ZMIZ1: variants seen among roughly 807,000 people sequenced by gnomAD.
ZMIZ1 encodes zinc finger MIZ domain-containing protein 1.
Under a neutral mutation model 113.9 loss-of-function variants are expected in ZMIZ1, and 17 were observed. That is an observed-to-expected ratio of 0.15 (90% CI 0.10 to 0.22). The LOEUF (loss-of-function observed/expected upper bound fraction) is 0.22, where lower values mean the gene tolerates loss of function less well. Ranked by LOEUF, ZMIZ1 falls within the 10% of genes least tolerant of loss-of-function variation. The pLI, the probability that ZMIZ1 is intolerant of heterozygous loss-of-function variation, is 1.00. For missense variants in ZMIZ1, 1,059 were observed against 1,477.8 expected (o/e 0.72, Z 4.65); for synonymous variants, 607 against 603.1 (o/e 1.01, Z -0.09).
intron 1 of ZMIZ1, among the ~76,000 whole-genome samples, chr10:79,071,222 T>C (rs1842273021): frequency 6.6e-6 from 1 of 152,162 alleles, no homozygotes; most frequent in South Asian, 2.1e-4. Flanking sequence ...CTGAAGGATT[T>C]TCTTGAGCAA....
rs775605333 is a variant in ZMIZ1, at chr10:79,216,210, C to T, written c.216C>T (p.Asp72=). 4.5e-6 allele frequency: 7 copies of T among 1,564,674 alleles called. No individual in the cohort carries two copies. The South Asian group carries it at 4.7e-5, about 11-fold the overall frequency. The change falls in exon 7 of 25, where the codon GAC becomes GAT. Residue 72 remains aspartate, a synonymous_variant. Coordinates refer to ENST00000334512, the MANE Select transcript of ZMIZ1 (RefSeq NM_020338.4). ...CAGCCCAGCAAGGCTTTGACCTGGACCTCGGCTACAGACTGCTGGCTGTGT... is the reference window on the plus strand; with the variant it reads ...CAGCCCAGCAAGGCTTTGACCTGGATCTCGGCTACAGACTGCTGGCTGTGT... ...RVAAQQGFDL[D]LGYRLLAVCA... is the part of the protein sequence containing the mutation.
intron 7 of ZMIZ1, among the ~76,000 whole-genome samples, chr10:79,271,193 G>A (rs568856124): frequency 4.6e-5 from 7 of 152,294 alleles, no homozygotes; most frequent in Non-Finnish European, 7.3e-5. Flanking sequence ...CTGGAGCTTC[G>A]TGCCTGCCCA....
rs1397024737 is a variant in ZMIZ1, at chr10:79,314,650, AC to A, written c.*1903del. The A allele has an allele frequency of 5.3e-6, 1 of 186,932 alleles. No homozygotes were observed. Among genetic ancestry groups the A allele is most frequent in the African/African-American group, 2.4e-5 (1 of 41,674 alleles). The allele number at this position is 186,932 out of a possible 1,614,324, so 11.6% of individuals were successfully genotyped here. On this transcript the variant is annotated 3_prime_UTR_variant, in exon 25 of 25. Transcript: ENST00000334512. ...TAGCCTTTGCTGGTGTTTTTAAAATACCTGGACTCAATGACAAAGACCGAGT... is the reference window on the plus strand; with the variant it reads ...TAGCCTTTGCTGGTGTTTTTAAAATACTGGACTCAATGACAAAGACCGAGT...
At chr10:79,253,103 G>T (rs1850651276) in intron 7 of ZMIZ1, among the ~76,000 whole-genome samples, 1 of 152,178 alleles carries the variant, frequency 6.6e-6, no homozygotes, top group Non-Finnish European at 1.5e-5. Context: ...GGGTGTGCGG[G>T]GCCGGACATG....
rs891091464 is a variant in ZMIZ1, at chr10:79,313,083, G to A, written c.*334G>A. 17 of 306,584 alleles carry A rather than the reference G, an allele frequency of 5.5e-5. No individual in the cohort carries two copies. The highest frequency in any genetic ancestry group is 1.0e-4 in the Non-Finnish European group (17 of 162,454). 19.0% of individuals were successfully genotyped at this position (306,584 alleles called of 1,614,324 possible). The stretch of plus-strand genomic sequence containing the variant: ...TGATGCGGCTTCCCGGTCCCTCCGC[G>A]TGTGCCGATTCCAGATGACCTTCCA... On this transcript the variant is annotated 3_prime_UTR_variant, in exon 25 of 25. Coordinates refer to ENST00000334512, the MANE Select transcript of ZMIZ1 (RefSeq NM_020338.4).
chr10:79,158,241 T>C (rs1029977954), intron 3 of ZMIZ1, among the ~76,000 whole-genome samples: 1 of 152,176 alleles, frequency 6.6e-6, no homozygotes, highest in Non-Finnish European at 1.5e-5. Context: ...CATGAAGAGC[T>C]GAGGCCTGGT....
At chr10:79,163,547 C>T (rs1426415992) in intron 4 of ZMIZ1, among the ~76,000 whole-genome samples, 1 of 152,258 alleles carries the variant, frequency 6.6e-6, no homozygotes, top group Non-Finnish European at 1.5e-5. Flanking sequence ...TTTACCCCCA[C>T]AAGAATCCCA....
intron 23 of ZMIZ1, among the ~76,000 whole-genome samples, chr10:79,307,987 AG>A (rs1854844982): frequency 6.6e-6 from 1 of 152,226 alleles, no homozygotes; most frequent in Admixed American, 6.5e-5. Context: ...ATCTGAATTC[AG>A]GGTATTACCA....
At chr10:79,165,484 C>T (rs898662615) in intron 4 of ZMIZ1, among the ~76,000 whole-genome samples, 5 of 152,076 alleles carry the variant, frequency 3.3e-5, no homozygotes, top group Middle Eastern at 3.4e-3. Flanking sequence ...TGCGTAGTAG[C>T]GTGTGCCTGT....
At chr10:79,126,324 C>G (rs1844510352) in intron 2 of ZMIZ1, among the ~76,000 whole-genome samples, 1 of 152,188 alleles carries the variant, frequency 6.6e-6, no homozygotes, top group African/African-American at 2.4e-5. Context: ...GCCCCCTCTG[C>G]CAAGGCTTAG....
intron 2 of ZMIZ1, among the ~76,000 whole-genome samples, chr10:79,129,763 G>C (rs1844670035): frequency 1.3e-5 from 2 of 152,220 alleles, no homozygotes; most frequent in South Asian, 2.1e-4. Flanking sequence ...AGGGAGGGCA[G>C]AGCGAGCCCC....
In ZMIZ1 at chr10:79,149,648, C is replaced by T. The variant is rs535065833; in HGVS notation, c.-131+9871C>T. ...CTCTAGGCGCTGTGCCTGTGGTTGA[C>T]ATCACGTTGTCCTCATGTGGGGCTG... On this transcript the variant is annotated intron_variant, in intron 3 of 24. Coordinates refer to ENST00000334512, the MANE Select transcript of ZMIZ1 (RefSeq NM_020338.4). Among the ~76,000 whole-genome samples the T allele has an allele frequency of 1.2e-3, 187 of 152,324 alleles. 1 individual carries two copies. Among genetic ancestry groups the T allele is most frequent in the African/African-American group, 3.9e-3 (164 of 41,586 alleles).
At chr10:79,298,720 C>T (rs1395988026) in intron 15 of ZMIZ1, 140 bp downstream of exon 15, 2 of 830,312 alleles carry the variant, frequency 2.4e-6, no homozygotes, top group East Asian at 3.0e-5. Flanking sequence ...TACCCAGGGG[C>T]ACACTCAAGG....
chr10:79,262,332 A>T (rs11002899), intron 7 of ZMIZ1, among the ~76,000 whole-genome samples: 15,304 of 152,248 alleles, frequency 0.1, 904 homozygotes, highest in African/African-American at 0.16. Context: ...CCCAACATGC[A>T]TGTGTTTTAA....
At chr10:79,160,952 A>T (rs1054101407) in intron 3 of ZMIZ1, among the ~76,000 whole-genome samples, 5 of 152,190 alleles carry the variant, frequency 3.3e-5, no homozygotes, top group African/African-American at 1.2e-4. Context: ...CATAGCTTGA[A>T]TTCAGGGTTC....
intron 4 of ZMIZ1, among the ~76,000 whole-genome samples, chr10:79,199,108 C>T (rs978794729): frequency 1.9e-4 from 29 of 152,014 alleles, no homozygotes; most frequent in Non-Finnish European, 4.3e-4. Flanking sequence ...GCAGAGGGGC[C>T]TTGTCTGAGG....
At position 79,313,087 on chromosome 10, in the gene ZMIZ1, G is replaced by A; in HGVS notation, c.*338G>A. ...GCGGCTTCCCGGTCCCTCCGCGTGT[G>A]CCGATTCCAGATGACCTTCCAGTGT... On this transcript the variant is annotated 3_prime_UTR_variant, in exon 25 of 25. Transcript: ENST00000334512. The A allele has an allele frequency of 3.4e-6, 1 of 292,016 alleles. No individual in the cohort carries two copies. The highest frequency in any genetic ancestry group is 7.2e-5 in the East Asian group (1 of 13,812). 18.1% of individuals were successfully genotyped at this position (292,016 alleles called of 1,614,324 possible).
Position 79,159,010 on chromosome 10 carries a change from G to A in ZMIZ1, c.-130-3043G>A, listed in dbSNP as rs76518691. ...TCTGGCCTCGCAGTGAGAAGCTGCC[G>A]TGTGGTCAGGGTCTCACACACCCCA... On this transcript the variant is annotated intron_variant, in intron 3 of 24. Transcript: ENST00000334512. 5.9e-3 allele frequency among the ~76,000 whole-genome samples: 896 copies of A among 152,344 alleles called. 37 individuals are homozygous for A. The East Asian group carries it at 0.11, about 19-fold the overall frequency.
chr10:79,301,988 G>C, intron 17 of ZMIZ1, 119 bp from the exon 18 acceptor site: 1 of 935,546 alleles, frequency 1.1e-6, no homozygotes, highest in Non-Finnish European at 1.7e-6. Flanking sequence ...GAGACACCCT[G>C]GGGGAGCCTC....
Sources: gnomAD v4.1 joint callset for allele counts (sites outside exome capture counted in the v4.1 genomes callset) on GRCh38, gnomAD v4.1.1 for gene constraint, MANE v1.5 for transcripts, NCBI Gene and HGNC (gene_info 2026-07-23, HGNC 2026-07-21) for gene names.